The following ATF7IP2 variants were observed in gnomAD, a reference collection of about 807,000 sequenced individuals.
ATF7IP2 encodes activating transcription factor 7 interacting protein 2.
In ATF7IP2, 42 loss-of-function variants were observed where a neutral mutation model predicts 64.2. The ratio of observed to expected loss-of-function variants is 0.65; its 90% CI spans 0.51 to 0.85. ATF7IP2 has a LOEUF of 0.85. ATF7IP2 is among the 40% of genes least tolerant of loss of function. ATF7IP2 has a pLI of 0.00. For synonymous variants in ATF7IP2, 308 were observed against 272.8 expected (o/e 1.13, Z -1.27); for missense variants, 933 against 784.2 (o/e 1.19, Z -2.27).
intron 1 of ATF7IP2, among the ~76,000 whole-genome samples, chr16:10,408,922 T>C (rs2047696688): frequency 6.6e-6 from 1 of 152,232 alleles, no homozygotes; most frequent in Admixed American, 6.5e-5. Flanking sequence ...CCTAAGTCAA[T>C]GTCTATGTTG....
intron 12 of ATF7IP2, among the ~76,000 whole-genome samples, chr16:10,476,257 C>CT (rs1256729739): frequency 1.4e-4 from 21 of 152,180 alleles, no homozygotes; most frequent in African/African-American, 5.1e-4. Context: ...AATAAGGTGA[C>CT]TAACTGTGAA....
At chr16:10,395,560 T>C (rs2047405480) in intron 1 of ATF7IP2, among the ~76,000 whole-genome samples, 1 of 152,108 alleles carries the variant, frequency 6.6e-6, no homozygotes, top group Non-Finnish European at 1.5e-5. Flanking sequence ...TACTAGTAAT[T>C]TGAAATTAAC....
intron 1 of ATF7IP2, among the ~76,000 whole-genome samples, chr16:10,406,430 T>G (rs1040302973): frequency 3.3e-5 from 5 of 151,960 alleles, no homozygotes; most frequent in African/African-American, 1.2e-4. Flanking sequence ...AACCTAATGA[T>G]GCATCTTAAA....
rs752691400 is a variant in ATF7IP2, at chr16:10,482,815, T to A, written c.*566T>A. Reference sequence around the variant, plus strand: ...TCACTGCAACCTCCATCTCCCTGGTTCAAGCAATTCTCCTATGTCAGCCTC... The same window carrying A: ...TCACTGCAACCTCCATCTCCCTGGTACAAGCAATTCTCCTATGTCAGCCTC... On this transcript the variant is annotated 3_prime_UTR_variant, in exon 14 of 14. Coordinates refer to ENST00000562102, the MANE Select transcript of ATF7IP2 (RefSeq NM_001393719.1). The A allele has an allele frequency of 5.3e-5, 8 of 152,242 alleles. No homozygotes were observed. The highest frequency in any genetic ancestry group is 1.0e-4 in the Non-Finnish European group (7 of 68,074). 9.4% of individuals were successfully genotyped at this position (152,242 alleles called of 1,614,324 possible).
At chr16:10,481,783 C>T in intron 13 of ATF7IP2, 53 bp from the exon 14 acceptor site, 1 of 1,372,724 alleles carries the variant, frequency 7.3e-7, no homozygotes, top group East Asian at 2.3e-5. Context: ...TATATTTCTA[C>T]AACTGCAATT....
At chr16:10,461,078 A>G (rs1057090115) in intron 9 of ATF7IP2, among the ~76,000 whole-genome samples, 5 of 152,190 alleles carry the variant, frequency 3.3e-5, no homozygotes, top group Admixed American at 3.3e-4. Context: ...AATGGCCAAT[A>G]TACATATGAA....
At chr16:10,433,672 G>C in intron 6 of ATF7IP2, 23 bp downstream of exon 6, 1 of 1,609,962 alleles carries the variant, frequency 6.2e-7, no homozygotes, top group Non-Finnish European at 8.5e-7. Context: ...GGCTTAAATG[G>C]AACTTTTACT....
chr16:10,441,356 T>C (rs991931554), intron 8 of ATF7IP2, among the ~76,000 whole-genome samples: 1 of 152,236 alleles, frequency 6.6e-6, no homozygotes, highest in African/African-American at 2.4e-5. Flanking sequence ...TGAACTAATT[T>C]ACACTTTCAC....
chr16:10,408,429 A>G (rs1053006786), intron 1 of ATF7IP2, among the ~76,000 whole-genome samples: 2 of 152,084 alleles, frequency 1.3e-5, no homozygotes, highest in African/African-American at 4.8e-5. Context: ...GTTTTCCATG[A>G]TGGTTGTGCT....
chr16:10,472,056 A>C, intron 9 of ATF7IP2, 54 bp from the exon 10 acceptor site: 1 of 951,074 alleles, frequency 1.1e-6, no homozygotes, highest in South Asian at 1.6e-5. Context: ...TTGCATGTTT[A>C]AGCCTGATAA....
intron 1 of ATF7IP2, among the ~76,000 whole-genome samples, chr16:10,410,748 A>T (rs946731671): frequency 2.0e-5 from 3 of 152,194 alleles, no homozygotes; most frequent in Non-Finnish European, 4.4e-5. Flanking sequence ...TTTAATTGCC[A>T]TGTCAATCTC....
chr16:10,412,596 A>G (rs1002213570), intron 1 of ATF7IP2, among the ~76,000 whole-genome samples: 1 of 152,176 alleles, frequency 6.6e-6, no homozygotes, highest in African/African-American at 2.4e-5. Context: ...GTAGCCTATG[A>G]TATGATCTAC....
At chr16:10,460,534 G>A (rs2049340480) in intron 9 of ATF7IP2, among the ~76,000 whole-genome samples, 1 of 152,152 alleles carries the variant, frequency 6.6e-6, no homozygotes, top group Admixed American at 6.5e-5. Context: ...TGTAACAGTA[G>A]AGAGTCCGGA....
intron 2 of ATF7IP2, among the ~76,000 whole-genome samples, chr16:10,418,692 A>G (rs1486535243): frequency 6.6e-6 from 1 of 152,136 alleles, no homozygotes; most frequent in Non-Finnish European, 1.5e-5. Flanking sequence ...TGTTCTTTTA[A>G]TTTTGCAATG....
chr16:10,475,535 C>CA (rs1321856159), intron 12 of ATF7IP2, among the ~76,000 whole-genome samples: 1 of 150,780 alleles, frequency 6.6e-6, no homozygotes, highest in Non-Finnish European at 1.5e-5. Context: ...ACTAAAAATA[C>CA]AAAAAAAATT....
At chr16:10,429,689 G>A (rs1208246640) in intron 4 of ATF7IP2, among the ~76,000 whole-genome samples, 2 of 123,430 alleles carry the variant, frequency 1.6e-5, no homozygotes, top group Non-Finnish European at 3.5e-5. Context: ...ATGTATCTTA[G>A]TGCTGGTTTT....
intron 1 of ATF7IP2, among the ~76,000 whole-genome samples, chr16:10,395,576 A>G (rs2047405858): frequency 6.6e-6 from 1 of 152,208 alleles, no homozygotes; most frequent in African/African-American, 2.4e-5. Context: ...TTAACATAAA[A>G]GGATTATACA....
rs776346609 is a variant in ATF7IP2 at position 10,430,849 on chromosome 16, T to C, written c.229T>C (p.Leu77=). The change falls in exon 5 of 14, where the codon TTG becomes CTG. Residue 77 remains leucine (L), a synonymous_variant. Transcript: ENST00000562102. ...CCCTTCTGAAAATGGTGCATCCTCA[T>C]TGGACTCTAATAAAAATTCAATATC... ...CSPSENGASS[L]DSNKNSISEK... The C allele has an allele frequency of 1.2e-5, 20 of 1,613,824 alleles. No homozygotes were observed. Among genetic ancestry groups the C allele is most frequent in the African/African-American group, 1.2e-4 (9 of 74,912 alleles).
chr16:10,425,293 C>G (rs928082574), intron 3 of ATF7IP2, among the ~76,000 whole-genome samples: 7 of 147,108 alleles, frequency 4.8e-5, no homozygotes, highest in African/African-American at 1.8e-4. Flanking sequence ...TGGTCTTGAA[C>G]TCCTGACCTC....
Sources: allele counts gnomAD v4.1 joint callset (sites outside exome capture counted in the v4.1 genomes callset), GRCh38; gene constraint gnomAD v4.1.1; transcripts MANE v1.5; gene names NCBI Gene and HGNC (gene_info 2026-07-23, HGNC 2026-07-21).